The following DHX57 variants were observed in gnomAD, a reference collection of about 807,000 sequenced individuals.
DHX57 encodes putative ATP-dependent RNA helicase DHX57.
Under a neutral mutation model 156.2 loss-of-function variants are expected in DHX57, and 105 were observed. That is an observed-to-expected ratio of 0.67 (90% CI 0.57 to 0.79). The LOEUF (loss-of-function observed/expected upper bound fraction) is 0.79. Among genes scored for constraint, DHX57 ranks in the 30% least tolerant of loss-of-function variants. The pLI is 0.00. For synonymous variants in DHX57, 704 were observed against 595.6 expected, an observed-to-expected ratio of 1.18 and a Z score of -2.65; for missense variants, 1,847 against 1,661.9, an observed-to-expected ratio of 1.11 and a Z score of -1.94.
chr2:38,801,481 C>T (rs1669674294), intron 23 of DHX57, among the ~76,000 whole-genome samples: 2 of 152,224 alleles, frequency 1.3e-5, no homozygotes, highest in African/African-American at 4.8e-5. Context: ...GCAATCTCGG[C>T]TCACTGCAAC....
chr2:38,871,576 A>G (rs931038904), intron 1 of DHX57, among the ~76,000 whole-genome samples: 12 of 152,168 alleles, frequency 7.9e-5, no homozygotes, highest in Non-Finnish European at 1.5e-4. Flanking sequence ...TCTCATGGTA[A>G]TGGAGGCTGG....
chr2:38,839,166 G>C (rs1448720990), intron 12 of DHX57, among the ~76,000 whole-genome samples: 1 of 151,462 alleles, frequency 6.6e-6, no homozygotes, highest in African/African-American at 2.4e-5. Context: ...TCCTAACCTC[G>C]TGATCCACCC....
At chr2:38,867,446 G>C in intron 2 of DHX57, among the ~76,000 whole-genome samples, 1 of 152,166 alleles carries the variant, frequency 6.6e-6, no homozygotes, top group Non-Finnish European at 1.5e-5. Context: ...CCTAGATAAG[G>C]CATCTGTTAC....
intron 11 of DHX57, among the ~76,000 whole-genome samples, chr2:38,843,736 G>A (rs1672129593): frequency 6.6e-6 from 1 of 152,190 alleles, no homozygotes; most frequent in Non-Finnish European, 1.5e-5. Flanking sequence ...AAAATGAATA[G>A]ATTTGGAAAC....
rs1308645261 is a variant in DHX57, at chr2:38,861,738, C to G, written c.672G>C (p.Glu224Asp). 1 of 1,614,194 alleles carries G rather than the reference C, an allele frequency of 6.2e-7. No individual in the cohort carries two copies. The highest frequency in any genetic ancestry group is 1.7e-5 in the Admixed American group (1 of 60,016). The stretch of plus-strand genomic sequence containing the variant: ...AGATCTTCATCCTCTCTCCAAATGT[C>G]TCTGAAAAACACTGGGTAAGGAGAT... ...LEHLLTQCFS[E>D]TFGERMKISE... Residue 224 changes from glutamate (E) to aspartate (D), a missense_variant, in exon 5 of 24, where the codon GAG becomes GAC. Physicochemically the swap from Glu to Asp is conservative, Grantham distance 45. Coordinates refer to ENST00000457308, the MANE Select transcript of DHX57 (RefSeq NM_198963.3).
chr2:38,820,874 AG>A (rs1429586315), intron 17 of DHX57, among the ~76,000 whole-genome samples: 2 of 151,648 alleles, frequency 1.3e-5, no homozygotes, highest in Non-Finnish European at 2.9e-5. Context: ...TTTTTAATGA[AG>A]GAAAAAAAAA....
intron 3 of DHX57, chr2:38,863,121 T>A (rs1390603379): frequency 2.3e-6 from 1 of 433,812 alleles, no homozygotes; most frequent in East Asian, 4.0e-5. Flanking sequence ...ACTGAATCCA[T>A]ATGAGCACTG....
chr2:38,816,208 G>A (rs756682799), intron 19 of DHX57: 151 of 470,278 alleles, frequency 3.2e-4, no homozygotes, highest in Non-Finnish European at 5.0e-4. Context: ...ACATCATTAA[G>A]TGATTCAATA....
In DHX57 at chr2:38,861,662, C is replaced by G. The variant is rs1303246220; in HGVS notation, c.748G>C (p.Glu250Gln). 2 of 1,614,138 alleles carry G rather than the reference C, an allele frequency of 1.2e-6. No individual in the cohort carries two copies. Among genetic ancestry groups the G allele is most frequent in the East Asian group, 4.5e-5 (2 of 44,872 alleles). ...SLDECMEQRQEEAFALKSICG... is the reference protein window; with the variant it reads ...SLDECMEQRQQEAFALKSICG... ...ATGGACTTGAGAGCAAATGCCTCTT[C>G]CTGTCGCTGTTCCATACACTCATCC... The change falls in exon 5 of 24, where the codon GAA becomes CAA. Residue 250 changes from glutamate to glutamine, a missense_variant. Physicochemically the swap from Glu to Gln is conservative, Grantham distance 29 (BLOSUM62 2). Coordinates refer to ENST00000457308, the MANE Select transcript of DHX57 (RefSeq NM_198963.3).
chr2:38,820,006 C>A (rs1011739338), intron 17 of DHX57, among the ~76,000 whole-genome samples: 1 of 152,188 alleles, frequency 6.6e-6, no homozygotes, highest in African/African-American at 2.4e-5. Context: ...TCTACCTTCT[C>A]AGGCTCTAAA....
chr2:38,826,121 T>C (rs971730560), intron 15 of DHX57, 74 bp from the exon 16 acceptor site: 9 of 1,447,356 alleles, frequency 6.2e-6, no homozygotes, highest in South Asian at 3.7e-5. Context: ...ATGGACAGAA[T>C]AGATGAACCA....
At chr2:38,872,452 A>G (rs1448922603) in intron 1 of DHX57, among the ~76,000 whole-genome samples, 2 of 152,254 alleles carry the variant, frequency 1.3e-5, no homozygotes, top group African/African-American at 4.8e-5. Flanking sequence ...AGACTTGATT[A>G]ACAAACAGGA....
At chr2:38,863,780 A>G (rs2124937287) in intron 2 of DHX57, among the ~76,000 whole-genome samples, 1 of 152,278 alleles carries the variant, frequency 6.6e-6, no homozygotes, top group African/African-American at 2.4e-5. Flanking sequence ...TGGGAGGCCG[A>G]GGCTGGCGGA....
chr2:38,812,952 A>G (rs1287202236), intron 21 of DHX57, among the ~76,000 whole-genome samples: 1 of 151,030 alleles, frequency 6.6e-6, no homozygotes, highest in African/African-American at 2.4e-5. Context: ...AGTTCAAGCA[A>G]TTCTCCCGCC....
intron 23 of DHX57, among the ~76,000 whole-genome samples, chr2:38,799,384 A>G (rs1669556639): frequency 6.9e-6 from 1 of 144,388 alleles, no homozygotes; most frequent in Admixed American, 7.2e-5. Context: ...AGAAAAAAAA[A>G]GGAAAAGAAA....
intron 12 of DHX57, among the ~76,000 whole-genome samples, chr2:38,840,236 T>C (rs532859047): frequency 3.9e-5 from 6 of 152,194 alleles, no homozygotes; most frequent in Non-Finnish European, 8.8e-5. Context: ...TGAGCCACTG[T>C]GCCCAGCCAA....
At chr2:38,824,518 C>T (rs1237882325) in intron 16 of DHX57, among the ~76,000 whole-genome samples, 1 of 149,348 alleles carries the variant, frequency 6.7e-6, no homozygotes, top group Non-Finnish European at 1.5e-5. Context: ...AGTATTCTTA[C>T]CATAATAAAA....
chr2:38,837,108 C>G (rs1339455794), intron 13 of DHX57, among the ~76,000 whole-genome samples: 1 of 152,118 alleles, frequency 6.6e-6, no homozygotes, highest in African/African-American at 2.4e-5. Flanking sequence ...CTTGGCCTCT[C>G]AAAGTGCTGG....
At chr2:38,845,402 G>A (rs1037337788) in intron 11 of DHX57, among the ~76,000 whole-genome samples, 1 of 152,008 alleles carries the variant, frequency 6.6e-6, no homozygotes, top group Non-Finnish European at 1.5e-5. Context: ...GAGAGCCACT[G>A]GTTTTGGGTT....
Sources: gnomAD v4.1 joint callset for allele counts (sites outside exome capture counted in the v4.1 genomes callset) on GRCh38, gnomAD v4.1.1 for gene constraint, MANE v1.5 for transcripts, NCBI Gene and HGNC (gene_info 2026-07-23, HGNC 2026-07-21) for gene names.